CSMD1: variants seen among roughly 807,000 people sequenced by gnomAD.
The protein encoded by CSMD1 is CUB and Sushi multiple domains 1.
Under a neutral mutation model 417.5 loss-of-function variants are expected in CSMD1, and 213 were observed. That is an observed-to-expected ratio of 0.51 (90% confidence interval 0.46 to 0.57). The LOEUF (loss-of-function observed/expected upper bound fraction) is 0.57, where lower values mean the gene tolerates loss of function less well. Among genes scored for constraint, CSMD1 ranks in the 20% least tolerant of loss-of-function variants. CSMD1 has a pLI of 0.00. For synonymous variants in CSMD1, 2,862 were observed against 1,736.8 expected (o/e 1.65, Z -16.11); for missense variants, 6,923 against 4,529.7 (o/e 1.53, Z -15.17).
intron 5 of CSMD1, among the ~76,000 whole-genome samples, chr8:3,843,958 G>T (rs1000507604): frequency 6.6e-6 from 1 of 152,078 alleles, no homozygotes; most frequent in Non-Finnish European, 1.5e-5. Context: ...CAATGATGAG[G>T]AACTCAGAAA....
At chr8:3,423,714 T>G (rs927682236) in intron 12 of CSMD1, among the ~76,000 whole-genome samples, 1 of 152,194 alleles carries the variant, frequency 6.6e-6, no homozygotes, top group Non-Finnish European at 1.5e-5. Context: ...CAGGTCTTTG[T>G]GTGGAAATGT....
intron 3 of CSMD1, among the ~76,000 whole-genome samples, chr8:4,100,916 A>T (rs377465592): frequency 2.6e-5 from 4 of 152,366 alleles, no homozygotes; most frequent in African/African-American, 9.6e-5. Context: ...AAAGTGGTGT[A>T]TATGAAGGTG....
chr8:3,348,304 G>A (rs1808150612), intron 21 of CSMD1, 143 bp from the exon 22 acceptor site: 1 of 612,746 alleles, frequency 1.6e-6, no homozygotes, highest in Non-Finnish European at 2.6e-6. Context: ...ATAGATCAGT[G>A]ATTTTTTTTT....
At chr8:2,983,227 C>T (rs552691654) in intron 54 of CSMD1, among the ~76,000 whole-genome samples, 2 of 152,134 alleles carry the variant, frequency 1.3e-5, no homozygotes, top group Middle Eastern at 3.4e-3. Flanking sequence ...TGCTCTGTCT[C>T]CCATGCTGGA....
intron 3 of CSMD1, among the ~76,000 whole-genome samples, chr8:4,134,644 A>G (rs949956610): frequency 6.6e-6 from 1 of 152,146 alleles, no homozygotes; most frequent in Non-Finnish European, 1.5e-5. Context: ...TTCTACCTTT[A>G]AAATATATCT....
chr8:3,783,190 A>G (rs967640735), intron 5 of CSMD1, among the ~76,000 whole-genome samples: 5 of 152,212 alleles, frequency 3.3e-5, no homozygotes, highest in Non-Finnish European at 5.9e-5. Context: ...CTATTTGTTC[A>G]ATCACCATTC....
intron 8 of CSMD1, among the ~76,000 whole-genome samples, chr8:3,597,805 G>A (rs191942360): frequency 6.6e-6 from 1 of 152,112 alleles, no homozygotes; most frequent in South Asian, 2.1e-4. Flanking sequence ...ACGGACACAG[G>A]GAGGGGAACA....
chr8:4,871,533 A>C (rs937683944), intron 1 of CSMD1, among the ~76,000 whole-genome samples: 1 of 152,090 alleles, frequency 6.6e-6, no homozygotes, highest in African/African-American at 2.4e-5. Flanking sequence ...CAAGCACCCA[A>C]CATATTAGTG....
chr8:3,667,947 A>G (rs774486665), intron 7 of CSMD1, among the ~76,000 whole-genome samples: 5 of 151,978 alleles, frequency 3.3e-5, no homozygotes, highest in Non-Finnish European at 5.9e-5. Flanking sequence ...TCACCCACCC[A>G]TTTCCTCCCT....
At chr8:3,104,563 T>C (rs896793379) in intron 46 of CSMD1, among the ~76,000 whole-genome samples, 19 of 152,284 alleles carry the variant, frequency 1.2e-4, no homozygotes, top group African/African-American at 3.8e-4. Flanking sequence ...TCTAAGTTAT[T>C]ATGGATATCT....
chr8:4,849,228 A>G (rs1291654608), intron 1 of CSMD1, among the ~76,000 whole-genome samples: 1 of 151,504 alleles, frequency 6.6e-6, no homozygotes, highest in Non-Finnish European at 1.5e-5. Flanking sequence ...ATAAAGCTAT[A>G]AAGAAAGAAA....
intron 41 of CSMD1, among the ~76,000 whole-genome samples, chr8:3,119,137 G>C (rs1392305112): frequency 1.3e-5 from 2 of 151,856 alleles, no homozygotes; most frequent in Non-Finnish European, 2.9e-5. Flanking sequence ...CCGAGATCTT[G>C]CCACTGCGCT....
At chr8:4,271,891 C>G (rs1804622109) in intron 3 of CSMD1, among the ~76,000 whole-genome samples, 1 of 152,116 alleles carries the variant, frequency 6.6e-6, no homozygotes, top group South Asian at 2.1e-4. Context: ...CCCTTGGTGT[C>G]CACAGGGGAT....
At chr8:3,466,271 T>C (rs1043841561) in intron 12 of CSMD1, among the ~76,000 whole-genome samples, 2 of 152,108 alleles carry the variant, frequency 1.3e-5, no homozygotes, top group African/African-American at 2.4e-5. Flanking sequence ...GTTCAGTTAC[T>C]GGGCAGCAGA....
At chr8:3,525,964 A>G (rs1797736056) in intron 10 of CSMD1, among the ~76,000 whole-genome samples, 1 of 152,188 alleles carries the variant, frequency 6.6e-6, no homozygotes, top group Non-Finnish European at 1.5e-5. Context: ...ACAATTCTTC[A>G]GCTCTGGTAA....
chr8:4,309,443 T>C (rs1428138029), intron 3 of CSMD1, among the ~76,000 whole-genome samples: 4 of 149,340 alleles, frequency 2.7e-5, no homozygotes, highest in African/African-American at 1.0e-4. Context: ...TTTTATAATT[T>C]TAATATTATG....
intron 3 of CSMD1, among the ~76,000 whole-genome samples, chr8:4,108,955 T>C (rs1428336612): frequency 6.6e-6 from 1 of 152,216 alleles, no homozygotes; most frequent in Non-Finnish European, 1.5e-5. Flanking sequence ...TCCATTTATG[T>C]ATAATTTAGA....
At chr8:2,953,244 T>G (rs1009867459) in intron 65 of CSMD1, among the ~76,000 whole-genome samples, 4 of 152,158 alleles carry the variant, frequency 2.6e-5, no homozygotes, top group Non-Finnish European at 5.9e-5. Context: ...CTAGAAAGCT[T>G]TAAAAAGCAT....
intron 6 of CSMD1, among the ~76,000 whole-genome samples, chr8:3,726,864 G>C (rs186193313): frequency 2.0e-5 from 3 of 152,270 alleles, no homozygotes; most frequent in East Asian, 1.9e-4. Flanking sequence ...CCTGCCCAAA[G>C]ATAGATTTCC....
Sources: allele counts gnomAD v4.1 joint callset (sites outside exome capture counted in the v4.1 genomes callset), GRCh38; gene constraint gnomAD v4.1.1; transcripts MANE v1.5; gene names NCBI Gene and HGNC (gene_info 2026-07-23, HGNC 2026-07-21).